The following ZDHHC17 variants were observed in gnomAD, a reference collection of about 807,000 sequenced individuals.
ZDHHC17 encodes zDHHC palmitoyltransferase 17.
In ZDHHC17, 40 loss-of-function variants were observed where a neutral mutation model predicts 90.3. The observed-to-expected ratio is 0.44, with a 90% confidence interval of 0.34 to 0.58. The LOEUF (loss-of-function observed/expected upper bound fraction) is 0.58, where lower values mean the gene tolerates loss of function less well. Ranked by LOEUF, ZDHHC17 falls within the 20% of genes least tolerant of loss-of-function variation. The pLI, the probability that ZDHHC17 is intolerant of heterozygous loss-of-function variation, is 0.01. For synonymous variants in ZDHHC17, 235 were observed against 252.4 expected (o/e 0.93, Z 0.65); for missense variants, 614 against 780.8 (o/e 0.79, Z 2.55).
At chr12:76,814,681 A>G (rs1295308266) in intron 5 of ZDHHC17, among the ~76,000 whole-genome samples, 1 of 151,944 alleles carries the variant, frequency 6.6e-6, no homozygotes, top group Non-Finnish European at 1.5e-5. Context: ...TTCCACACAA[A>G]CTGCAGAATC....
In ZDHHC17 at chr12:76,848,264, C is replaced by G; in HGVS notation, c.1539C>G (p.Thr513=). Residue 513 remains threonine, a synonymous_variant, in exon 15 of 17, where the codon ACC becomes ACG. Transcript: ENST00000426126. ...GACTCCACTGTGAGACCACTTACAC[C>G]AAGGATGGATTTTGGACATACATTA... ...YWGLHCETTY[T]KDGFWTYITQ... 1 of 1,613,874 alleles carries G rather than the reference C, an allele frequency of 6.2e-7. No homozygotes were observed.
chr12:76,797,720 A>G (rs1288452505), intron 2 of ZDHHC17, among the ~76,000 whole-genome samples, 183 bp downstream of exon 2: 1 of 152,150 alleles, frequency 6.6e-6, no homozygotes, highest in Non-Finnish European at 1.5e-5. Context: ...AGGAGGGTGG[A>G]TCACCTGAGG....
rs577260831 is a variant in ZDHHC17 at position 76,821,986 on chromosome 12, T to C, written c.772-420T>C. Among the ~76,000 whole-genome samples, 212 of 152,302 alleles carry C rather than the reference T, an allele frequency of 1.4e-3. 1 individual carries two copies. The highest frequency in any genetic ancestry group is 4.8e-3 in the African/African-American group (199 of 41,566). On this transcript the variant is annotated intron_variant, in intron 7 of 16. Transcript: ENST00000426126. ...TTCTTTCCTATTCTCTTCTGAAGACTCCTATCATTGTTGAAATAAAACTGA... is the reference window on the plus strand; with the variant it reads ...TTCTTTCCTATTCTCTTCTGAAGACCCCTATCATTGTTGAAATAAAACTGA...
At chr12:76,838,478 T>C (rs1024950505) in intron 10 of ZDHHC17, among the ~76,000 whole-genome samples, 5 of 152,216 alleles carry the variant, frequency 3.3e-5, no homozygotes, top group African/African-American at 7.2e-5. Flanking sequence ...TGAAGTTGTA[T>C]GTCTGCCTTC....
chr12:76,823,393 T>C (rs894910512), intron 8 of ZDHHC17, among the ~76,000 whole-genome samples: 3 of 152,248 alleles, frequency 2.0e-5, no homozygotes, highest in African/African-American at 7.2e-5. Flanking sequence ...TGTATGACTG[T>C]TGGCTCAGTT....
At chr12:76,819,400 A>G (rs944547582) in intron 7 of ZDHHC17, among the ~76,000 whole-genome samples, 4 of 152,194 alleles carry the variant, frequency 2.6e-5, no homozygotes, top group Non-Finnish European at 5.9e-5. Flanking sequence ...GTCTTAAGAA[A>G]GAATCTTGTT....
At chr12:76,802,411 A>G (rs1285827489) in intron 2 of ZDHHC17, among the ~76,000 whole-genome samples, 1 of 152,166 alleles carries the variant, frequency 6.6e-6, no homozygotes, top group Non-Finnish European at 1.5e-5. Flanking sequence ...TGATTATAAT[A>G]TGTCTCAGTG....
chr12:76,781,421 A>T (rs943727464), intron 1 of ZDHHC17, among the ~76,000 whole-genome samples: 1 of 152,198 alleles, frequency 6.6e-6, no homozygotes, highest in Admixed American at 6.5e-5. Flanking sequence ...TTGAAAGTTA[A>T]TTGTCATTGT....
intron 10 of ZDHHC17, among the ~76,000 whole-genome samples, chr12:76,830,149 G>C (rs1953282534): frequency 6.6e-6 from 1 of 152,140 alleles, no homozygotes; most frequent in South Asian, 2.1e-4. Flanking sequence ...TTTCATAAGT[G>C]TTAAATATTT....
At chr12:76,808,479 C>T (rs1035869047) in intron 3 of ZDHHC17, among the ~76,000 whole-genome samples, 1 of 151,914 alleles carries the variant, frequency 6.6e-6, no homozygotes, top group Admixed American at 6.6e-5. Flanking sequence ...TCTCTCTCCC[C>T]CTCTCTCAAA....
intron 1 of ZDHHC17, among the ~76,000 whole-genome samples, chr12:76,771,618 G>C (rs1565755993): frequency 6.6e-6 from 1 of 151,946 alleles, no homozygotes. Context: ...TGATTGAGAT[G>C]TTAGTATACC....
chr12:76,832,006 CTAAT>C lies in ZDHHC17; in HGVS notation c.1141+3522_1141+3525del, dbSNP rs137942739. 6.9e-3 allele frequency among the ~76,000 whole-genome samples: 1,056 copies of C among 152,276 alleles called. 19 individuals are homozygous for C. Among genetic ancestry groups the C allele is most frequent in the African/African-American group, 0.024 (1,009 of 41,548 alleles). On this transcript the variant is annotated intron_variant, in intron 10 of 16. Transcript: ENST00000426126. ...ACTCATGGAATATGTGATGAAATCACTAATTAATTTAAATCCCAATTATGCGAGG... is the reference window on the plus strand; with the variant it reads ...ACTCATGGAATATGTGATGAAATCACTAATTTAAATCCCAATTATGCGAGG...
At chr12:76,800,566 T>A (rs969651055) in intron 2 of ZDHHC17, among the ~76,000 whole-genome samples, 2 of 152,182 alleles carry the variant, frequency 1.3e-5, no homozygotes, top group African/African-American at 4.8e-5. Flanking sequence ...TTGTTGTATC[T>A]TCTTGCTGCA....
At chr12:76,822,896 G>A (rs943378222) in intron 8 of ZDHHC17, among the ~76,000 whole-genome samples, 3 of 151,808 alleles carry the variant, frequency 2.0e-5, no homozygotes, top group Admixed American at 6.6e-5. Context: ...TTTTAAGTAG[G>A]ATTCTTAGGA....
chr12:76,837,137 G>C (rs1168642003), intron 10 of ZDHHC17, among the ~76,000 whole-genome samples: 1 of 152,032 alleles, frequency 6.6e-6, no homozygotes, highest in Non-Finnish European at 1.5e-5. Context: ...AAATGATTCA[G>C]GTTTTTGTGT....
chr12:76,841,858 A>G, intron 10 of ZDHHC17, 124 bp from the exon 11 acceptor site: 1 of 652,884 alleles, frequency 1.5e-6, no homozygotes, highest in Non-Finnish European at 2.2e-6. Flanking sequence ...AGTTATAAAC[A>G]TAATGCAGAA....
chr12:76,818,325 A>T (rs1953114647), intron 7 of ZDHHC17, among the ~76,000 whole-genome samples: 1 of 152,204 alleles, frequency 6.6e-6, no homozygotes, highest in Non-Finnish European at 1.5e-5. Flanking sequence ...TTCCCAACAT[A>T]CTTAAGTCTT....
At chr12:76,780,415 T>G (rs143932087) in intron 1 of ZDHHC17, among the ~76,000 whole-genome samples, 1 of 152,356 alleles carries the variant, frequency 6.6e-6, no homozygotes, top group East Asian at 1.9e-4. Context: ...TCTCTACACT[T>G]AACATCATTA....
At chr12:76,820,721 A>G (rs1953154028) in intron 7 of ZDHHC17, among the ~76,000 whole-genome samples, 1 of 152,150 alleles carries the variant, frequency 6.6e-6, no homozygotes, top group Non-Finnish European at 1.5e-5. Context: ...ATGAAATTCA[A>G]CCTTACGTAG....
Sources: allele counts gnomAD v4.1 joint callset (sites outside exome capture counted in the v4.1 genomes callset), GRCh38; gene constraint gnomAD v4.1.1; transcripts MANE v1.5; gene names NCBI Gene and HGNC (gene_info 2026-07-23, HGNC 2026-07-21).